MTRF1L: variants seen among roughly 807,000 people sequenced by gnomAD.
MTRF1L encodes mitochondrial translation release factor 1 like.
Under a neutral mutation model 40.0 loss-of-function variants are expected in MTRF1L, and 29 were observed. The observed-to-expected ratio is 0.73, with a 90% confidence interval of 0.54 to 0.99. MTRF1L has a LOEUF of 0.99. Among genes scored for constraint, MTRF1L ranks in the 50% least tolerant of loss-of-function variants. The pLI, the probability that MTRF1L is intolerant of heterozygous loss-of-function variation, is 0.00. For missense variants in MTRF1L, 412 were observed against 464.5 expected, an observed-to-expected ratio of 0.89 and a Z score of 1.04; for synonymous variants, 150 against 175.8, an observed-to-expected ratio of 0.85 and a Z score of 1.16.
intron 2 of MTRF1L, among the ~76,000 whole-genome samples, chr6:152,997,106 T>C (rs1778740281): frequency 6.6e-6 from 1 of 152,124 alleles, no homozygotes; most frequent in Non-Finnish European, 1.5e-5. Flanking sequence ...TTATGAAAAG[T>C]TTATGGGGAT....
At chr6:152,991,149 T>C in intron 6 of MTRF1L, 36 bp downstream of exon 6, 1 of 1,342,702 alleles carries the variant, frequency 7.4e-7, no homozygotes, top group South Asian at 1.4e-5. Flanking sequence ...AAAATATTTC[T>C]ATCCTTTAAA....
chr6:152,990,866 AAAAC>A (rs1449162217), intron 6 of MTRF1L, among the ~76,000 whole-genome samples: 12 of 152,164 alleles, frequency 7.9e-5, no homozygotes, highest in Admixed American at 7.9e-4. Context: ...CAGGAAGAAA[AAAAC>A]AGGAAGAAAG....
intron 1 of MTRF1L, 94 bp downstream of exon 1, chr6:153,002,333 A>G (rs1778949453): frequency 6.4e-7 from 1 of 1,564,614 alleles, no homozygotes; most frequent in South Asian, 1.1e-5. Context: ...CAAGTGAGTA[A>G]AGAGTTTCAA....
chr6:153,000,499 C>G (rs1032991532), intron 1 of MTRF1L, among the ~76,000 whole-genome samples: 1 of 152,152 alleles, frequency 6.6e-6, no homozygotes, highest in Admixed American at 6.5e-5. Flanking sequence ...TATACTACTT[C>G]TTTAATTTCT....
intron 1 of MTRF1L, among the ~76,000 whole-genome samples, chr6:152,999,172 GTC>G (rs778906346): frequency 6.6e-6 from 1 of 152,062 alleles, no homozygotes; most frequent in South Asian, 2.1e-4. Context: ...GTACTCCTCT[GTC>G]TCTCTCTCTG....
At position 152,995,162 on chromosome 6, in the gene MTRF1L, G is replaced by A; in HGVS notation, c.497C>T (p.Thr166Ile). 2 of 1,602,488 alleles carry A rather than the reference G, an allele frequency of 1.2e-6. No individual in the cohort carries two copies. Among genetic ancestry groups the A allele is most frequent in the South Asian group, 1.1e-5 (1 of 88,462 alleles). ...YAAFKRWHFE[T>I]LEYFPSELGG... is the part of the protein sequence containing the mutation. ...TAGTTCACTTGGAAAATATTCCAGG[G>A]TTTCAAAATGCCATCTTTTAAATGC... The change falls in exon 3 of 7, where the codon ACC becomes ATC. Residue 166 changes from threonine (T) to isoleucine (I), a missense_variant. By Grantham distance (89) the Thr-to-Ile change is moderately conservative. Transcript: ENST00000367233.
rs1279400308 is a variant in MTRF1L at position 153,001,020 on chromosome 6, C to T, written c.259+1407G>A. Among the ~76,000 whole-genome samples the T allele has an allele frequency of 3.3e-5, 5 of 151,876 alleles. No homozygotes were observed. In the South Asian group the frequency reaches 8.3e-4, roughly 25 times the overall value. On this transcript the variant is annotated intron_variant, in intron 1 of 6. Transcript: ENST00000367233. ...TCTCAAGTAGCTGGGACCACAGGCA[C>T]GCACCACCATGCCCAGCTAATTTTG...
At chr6:152,994,302 C>T (rs1778630762) in intron 4 of MTRF1L, among the ~76,000 whole-genome samples, 1 of 152,076 alleles carries the variant, frequency 6.6e-6, no homozygotes, top group Non-Finnish European at 1.5e-5. Context: ...TAGGAAAATA[C>T]TAATACACAG....
rs781659799 is a variant in MTRF1L, at chr6:152,989,914, A to C, written c.1124T>G (p.Ile375Ser). ...ATCAACTTAAACTTTTTGGGAAATA[A>C]TTTCTACTAAAGATTCATAATCGGC... is the stretch of plus-strand genomic sequence containing the variant. ...EYADYESLVE[I>S]ISQKV Residue 375 changes from isoleucine (I) to serine (S), a missense_variant, in exon 7 of 7, where the codon ATT becomes AGT. Physicochemically the swap from Ile to Ser is moderately radical, Grantham distance 142 (BLOSUM62 -2). Coordinates refer to ENST00000367233, the MANE Select transcript of MTRF1L (RefSeq NM_019041.7). The C allele has an allele frequency of 1.2e-6, 2 of 1,611,180 alleles. No individual in the cohort carries two copies. Among genetic ancestry groups the C allele is most frequent in the South Asian group, 2.2e-5 (2 of 90,024 alleles).
chr6:153,000,483 T>C (rs1000618169), intron 1 of MTRF1L, among the ~76,000 whole-genome samples: 2 of 152,218 alleles, frequency 1.3e-5, no homozygotes, highest in African/African-American at 2.4e-5. Flanking sequence ...TCACAGGCAA[T>C]GGTAATATAC....
intron 5 of MTRF1L, among the ~76,000 whole-genome samples, chr6:152,992,432 G>A (rs1391931770): frequency 6.6e-6 from 1 of 152,180 alleles, no homozygotes; most frequent in Admixed American, 6.5e-5. Context: ...ATGTGTTTCT[G>A]AGTAGGAGGT....
At chr6:152,998,121 A>C (rs985733994) in intron 2 of MTRF1L, among the ~76,000 whole-genome samples, 18 of 150,014 alleles carry the variant, frequency 1.2e-4, no homozygotes, top group African/African-American at 4.2e-4. Context: ...CCTTTCATAT[A>C]ACCTCTTCTG....
At chr6:152,991,699 A>G (rs1377369576) in intron 5 of MTRF1L, among the ~76,000 whole-genome samples, 1 of 151,860 alleles carries the variant, frequency 6.6e-6, no homozygotes, top group Non-Finnish European at 1.5e-5. Context: ...GGTGCCCGCC[A>G]TCACGCCCGG....
intron 2 of MTRF1L, among the ~76,000 whole-genome samples, chr6:152,997,497 C>G (rs1488783217): frequency 2.0e-5 from 3 of 152,118 alleles, no homozygotes; most frequent in African/African-American, 7.2e-5. Context: ...TGAAACATGG[C>G]TTTACCAGTA....
intron 6 of MTRF1L, 77 bp from the exon 7 acceptor site, chr6:152,990,172 T>A: frequency 1.3e-6 from 2 of 1,538,046 alleles, no homozygotes; most frequent in Non-Finnish European, 1.7e-6. Flanking sequence ...ATTTGGAGAC[T>A]TAAGTTCTTG....
At position 152,995,286 on chromosome 6, in the gene MTRF1L, C is replaced by T; in HGVS notation, c.373G>A (p.Asp125Asn). Residue 125 changes from aspartate to asparagine, a missense_variant, in exon 3 of 7, where the codon GAT becomes AAT. By Grantham distance (23) the Asp-to-Asn change is conservative (BLOSUM62 1). Transcript: ENST00000367233. Reference sequence around the variant, plus strand: ...ACTTCCAGGATCAAATCATTTTCATCTGTTTCTTCTGAGGGAACCAAAAGT... The same window carrying T: ...ACTTCCAGGATCAAATCATTTTCATTTGTTTCTTCTGAGGGAACCAAAAGT... ...ILLLVPSEET[D>N]ENDLILEVTA... 6.3e-7 allele frequency: 1 copy of T among 1,599,548 alleles called. No homozygotes were observed. The highest frequency in any genetic ancestry group is 8.5e-7 in the Non-Finnish European group (1 of 1,174,208).
Position 152,989,902 on chromosome 6 carries a change from T to C in MTRF1L, c.1136A>G (p.Lys379Arg). The change falls in exon 7 of 7, where the codon AAA becomes AGA. Residue 379 changes from lysine (K) to arginine (R), a missense_variant. Physicochemically the swap from Lys to Arg is conservative, Grantham distance 26. Transcript: ENST00000367233. ...YESLVEIISQ[K>R]V is the part of the protein sequence containing the mutation. ...TATAAATAACAAATCAACTTAAACT[T>C]TTTGGGAAATAATTTCTACTAAAGA... The C allele has an allele frequency of 6.2e-7, 1 of 1,610,268 alleles. No individual in the cohort carries two copies. Among genetic ancestry groups the C allele is most frequent in the Non-Finnish European group, 8.5e-7 (1 of 1,178,956 alleles).
chr6:152,990,134 G>C (rs374030744), intron 6 of MTRF1L, 39 bp from the exon 7 acceptor site: 2 of 1,595,254 alleles, frequency 1.3e-6, no homozygotes, highest in Non-Finnish European at 8.5e-7. Context: ...GCTAGATTCA[G>C]GGCAATTTAA....
rs34463753 is a variant in MTRF1L, at chr6:152,991,175, CTTT to C, written c.942+7_942+9del. 16 of 1,136,238 alleles carry C rather than the reference CTTT, an allele frequency of 1.4e-5. No individual in the cohort carries two copies. The highest frequency in any genetic ancestry group is 3.4e-5 in the Admixed American group (1 of 29,132). The allele number at this position is 1,136,238 out of a possible 1,614,324, so 70.4% of individuals were successfully genotyped here. A position where few individuals can be genotyped will look rare whatever the true frequency, so the allele number is the denominator to read the frequency against. ...ATCCTTTAAAAGCATTTTTAAAATT[CTTT>C]TTTTACCTGAATTTTTCTAGCATTC... On this transcript the variant is annotated splice_region_variant and intron_variant, in intron 6 of 6. Coordinates refer to ENST00000367233, the MANE Select transcript of MTRF1L (RefSeq NM_019041.7).
Sources: gnomAD v4.1 joint callset for allele counts (sites outside exome capture counted in the v4.1 genomes callset) on GRCh38, gnomAD v4.1.1 for gene constraint, MANE v1.5 for transcripts, NCBI Gene and HGNC (gene_info 2026-07-23, HGNC 2026-07-21) for gene names.